DCTN1: variants seen among roughly 807,000 people sequenced by gnomAD.
DCTN1 encodes dynactin subunit 1, also known as 150 kDa dynein-associated polypeptide.
In DCTN1, 61 loss-of-function variants were observed where a neutral mutation model predicts 161.2. The observed-to-expected ratio is 0.38, with a 90% CI of 0.31 to 0.47. The LOEUF is 0.47. Among genes scored for constraint, DCTN1 ranks in the 20% least tolerant of loss-of-function variants. DCTN1 has a pLI of 0.99. For missense variants in DCTN1, 1,404 were observed against 1,623.7 expected (o/e 0.86, Z 2.33); for synonymous variants, 653 against 632.4 (o/e 1.03, Z -0.49).
rs1293714867 is a variant in DCTN1 at position 74,371,023 on chromosome 2, C to G, written c.799G>C (p.Glu267Gln). Residue 267 changes from glutamate (E) to glutamine (Q), a missense_variant, in exon 9 of 32, where the codon GAG becomes CAG. Physicochemically the swap from Glu to Gln is conservative, Grantham distance 29. Coordinates refer to ENST00000628224, the MANE Select transcript of DCTN1 (RefSeq NM_004082.5). ...CGCCGCTGCAGGTCGGCCTGCTGCT[C>G]CTGCATTTTGCTCTTCCATTCCTGC... ...QVQEWKSKMQEQQADLQRRLK... is the reference protein window; with the variant it reads ...QVQEWKSKMQQQQADLQRRLK... The G allele has an allele frequency of 1.9e-6, 3 of 1,614,090 alleles. No individual in the cohort carries two copies. Among genetic ancestry groups the G allele is most frequent in the Admixed American group, 1.7e-5 (1 of 60,014 alleles).
intron 5 of DCTN1, among the ~76,000 whole-genome samples, chr2:74,375,392 A>G (rs1248806798): frequency 2.6e-5 from 4 of 152,226 alleles, no homozygotes; most frequent in Non-Finnish European, 5.9e-5. Context: ...GCTTTGAAAA[A>G]TAACTACTGG....
In DCTN1 at chr2:74,366,628, C is replaced by A. The variant is rs779001284; in HGVS notation, c.2467-8G>T. The A allele has an allele frequency of 1.9e-6, 3 of 1,612,276 alleles. No individual in the cohort carries two copies. Among genetic ancestry groups the A allele is most frequent in the Non-Finnish European group, 2.5e-6 (3 of 1,180,024 alleles). On this transcript the variant is annotated splice_region_variant and splice_polypyrimidine_tract_variant and intron_variant, in intron 21 of 31. Coordinates refer to ENST00000628224, the MANE Select transcript of DCTN1 (RefSeq NM_004082.5). ...TAGGAGCGTGTCAGATACCTGTGTG[C>A]CAGGCCAGAGTCAGGAGTCAACCCT...
chr2:74,372,196 C>T (rs1249329504), intron 7 of DCTN1, among the ~76,000 whole-genome samples: 1 of 152,196 alleles, frequency 6.6e-6, no homozygotes, highest in Non-Finnish European at 1.5e-5. Flanking sequence ...CTAATTTCCA[C>T]AGAAGGTTGG....
chr2:74,366,995 T>C, intron 20 of DCTN1, 50 bp downstream of exon 20: 1 of 1,614,032 alleles, frequency 6.2e-7, no homozygotes, highest in Non-Finnish European at 8.5e-7. Context: ...AGTAAGGAAG[T>C]GAGGACTAAG....
rs1478351894 is a variant in DCTN1, at chr2:74,366,936, C to T, written c.2317-4G>A. The T allele has an allele frequency of 1.9e-6, 3 of 1,614,188 alleles. No individual in the cohort carries two copies. Among genetic ancestry groups the T allele is most frequent in the Non-Finnish European group, 2.5e-6 (3 of 1,180,030 alleles). Reference sequence around the variant, plus strand: ...TATCTGTAGCCTCCTGCCCACCCTACTCAGGAAAAAGAAAATGGATGGAGA... The same window carrying T: ...TATCTGTAGCCTCCTGCCCACCCTATTCAGGAAAAAGAAAATGGATGGAGA... On this transcript the variant is annotated splice_region_variant and splice_polypyrimidine_tract_variant and intron_variant, in intron 20 of 31. Coordinates refer to ENST00000628224, the MANE Select transcript of DCTN1 (RefSeq NM_004082.5).
chr2:74,368,536 C>G (rs1290557256), intron 16 of DCTN1, 192 bp downstream of exon 16: 2 of 778,230 alleles, frequency 2.6e-6, no homozygotes, highest in Non-Finnish European at 2.1e-6. Context: ...ATTGTGCTCT[C>G]TCACAGAACC....
chr2:74,361,405 G>C lies in DCTN1; in HGVS notation c.*94C>G. On this transcript the variant is annotated 3_prime_UTR_variant, in exon 32 of 32. Coordinates refer to ENST00000628224, the MANE Select transcript of DCTN1 (RefSeq NM_004082.5). ...ACGGGGCAGGAAGAGCTTAACCCAC[G>C]TTTCTACCTGGGGGCTGGCTGAGGT... The C allele has an allele frequency of 6.3e-7, 1 of 1,582,290 alleles. No individual in the cohort carries two copies. Among genetic ancestry groups the C allele is most frequent in the Non-Finnish European group, 8.6e-7 (1 of 1,159,038 alleles).
At chr2:74,361,757 C>A (rs890587184) in intron 31 of DCTN1, 121 bp from the exon 32 acceptor site, 2 of 1,300,692 alleles carry the variant, frequency 1.5e-6, no homozygotes, top group Non-Finnish European at 2.2e-6. Flanking sequence ...CTTCTGAGAT[C>A]CTGGGCTATT....
rs770854446 is a variant in DCTN1, at chr2:74,370,850, G to A, written c.844-25C>T. The A allele has an allele frequency of 5.0e-6, 8 of 1,614,066 alleles. No homozygotes were observed. The Admixed American group carries it at 8.3e-5, about 17-fold the overall frequency. On this transcript the variant is annotated intron_variant, in intron 9 of 31. Transcript: ENST00000628224. The surrounding 1 kb of genome is among the most constrained non-coding windows in gnomAD (Gnocchi z 4.4). ...CCTGAGGAAGAAGTGGAGGTGGGAG[G>A]GGGTACCAGCACAGAGATGCCCCAG...
chr2:74,368,647 T>C (rs1674601230), intron 16 of DCTN1, 81 bp downstream of exon 16: 2 of 1,596,678 alleles, frequency 1.3e-6, no homozygotes, highest in Admixed American at 3.4e-5. Context: ...GAGACTCTGT[T>C]GTCTTCACTC....
In DCTN1 at chr2:74,361,351, G is replaced by C; in HGVS notation, c.*148C>G. On this transcript the variant is annotated 3_prime_UTR_variant, in exon 32 of 32. Coordinates refer to ENST00000628224, the MANE Select transcript of DCTN1 (RefSeq NM_004082.5). ...GAACCCGGGTCAAGGTGAAGGGGCAGGACGCTGAAAGGGTGGGAGTGAAGC... is the reference window on the plus strand; with the variant it reads ...GAACCCGGGTCAAGGTGAAGGGGCACGACGCTGAAAGGGTGGGAGTGAAGC... 1 of 1,126,100 alleles carries C rather than the reference G, an allele frequency of 8.9e-7. No individual in the cohort carries two copies. The highest frequency in any genetic ancestry group is 1.3e-6 in the Non-Finnish European group (1 of 771,182). 69.8% of individuals were successfully genotyped at this position (1,126,100 alleles called of 1,614,324 possible).
chr2:74,377,226 G>A (rs1029018969), intron 4 of DCTN1, among the ~76,000 whole-genome samples: 2 of 152,124 alleles, frequency 1.3e-5, no homozygotes, highest in African/African-American at 4.8e-5. Context: ...AACTTCTGGA[G>A]CCTATGAGTT....
chr2:74,370,175 G>A lies in DCTN1; in HGVS notation c.1287+11C>T, dbSNP rs1176802167. 1.2e-6 allele frequency: 2 copies of A among 1,613,460 alleles called. No individual in the cohort carries two copies. The highest frequency in any genetic ancestry group is 1.7e-6 in the Non-Finnish European group (2 of 1,180,028). On this transcript the variant is annotated intron_variant, in intron 12 of 31. Transcript: ENST00000628224. The surrounding 1 kb of genome is among the most constrained non-coding windows in gnomAD (Gnocchi z 4.4). ...TGGGGGATTCTGGGTGAGGGGCTGG[G>A]CTCCCCAGACCTGCTCCTTGAGCTC...
chr2:74,370,404 G>C lies in DCTN1; in HGVS notation c.1128-59C>G. 2.5e-6 allele frequency: 4 copies of C among 1,613,948 alleles called. No individual in the cohort carries two copies. The highest frequency in any genetic ancestry group is 2.2e-5 in the East Asian group (1 of 44,878). On this transcript the variant is annotated intron_variant, in intron 11 of 31. Coordinates refer to ENST00000628224, the MANE Select transcript of DCTN1 (RefSeq NM_004082.5). This position sits in a 1 kb window ranked among gnomAD's most constrained non-coding sequence, Gnocchi z 4.4. ...GCACGTGTCAGAGTCTCTGGCGATG[G>C]GTGCTCTAACACATTTGGAGACACA... is the stretch of plus-strand genomic sequence containing the variant.
chr2:74,363,141 G>C lies in DCTN1; in HGVS notation c.3382C>G (p.Pro1128Ala), dbSNP rs757510484. ...QMKASLASLP[P>A]LHVAKLSHEG... The stretch of plus-strand genomic sequence containing the variant: ...TGGGATAGCTTTGCAACATGCAGAG[G>C]GGGCAGGGATGCCAAGGATGCCTTC... Residue 1128 changes from proline to alanine, a missense_variant, in exon 29 of 32, where the codon CCT (proline) becomes GCT (alanine). Physicochemically the swap from Pro to Ala is conservative, Grantham distance 27. This residue lies in a region of DCTN1 where 311 missense variants were observed against 298.9 expected (regional missense o/e 1.04). Coordinates refer to ENST00000628224, the MANE Select transcript of DCTN1 (RefSeq NM_004082.5). 3.7e-5 allele frequency: 59 copies of C among 1,614,040 alleles called. No individual in the cohort carries two copies. Among genetic ancestry groups the C allele is most frequent in the Non-Finnish European group, 4.9e-5 (58 of 1,180,016 alleles).
intron 1 of DCTN1, chr2:74,390,758 C>G: frequency 3.2e-6 from 1 of 313,958 alleles, no homozygotes; most frequent in East Asian, 7.8e-5. Context: ...CAATCAGAAT[C>G]TGTACTGTAA....
intron 26 of DCTN1, 81 bp downstream of exon 26, chr2:74,364,994 G>A (rs575310853): frequency 5.7e-6 from 9 of 1,576,660 alleles, no homozygotes; most frequent in African/African-American, 4.0e-5. Context: ...AAGGGGGGTG[G>A]GGCAGAGGTC....
At chr2:74,371,973 G>A in intron 7 of DCTN1, 1 of 525,916 alleles carries the variant, frequency 1.9e-6, no homozygotes, top group Non-Finnish European at 3.4e-6. Context: ...GGGAGGAAAA[G>A]ATAAGAGAAA....
chr2:74,370,618 T>G lies in DCTN1; in HGVS notation c.1048+3A>C, dbSNP rs1674767158. ...TGGCCCCCAGCAGCTGTGGGCCCCT[T>G]ACCCTTCTCTTCAATCTCAGCCTTG... On this transcript the variant is annotated splice_donor_region_variant and intron_variant, in intron 10 of 31. Coordinates refer to ENST00000628224, the MANE Select transcript of DCTN1 (RefSeq NM_004082.5). The surrounding 1 kb of genome is among the most constrained non-coding windows in gnomAD (Gnocchi z 4.4). 9.3e-6 allele frequency: 15 copies of G among 1,614,134 alleles called. No individual in the cohort carries two copies. Among genetic ancestry groups the G allele is most frequent in the Non-Finnish European group, 1.3e-5 (15 of 1,180,020 alleles).
Sources: gnomAD v4.1 joint callset for allele counts (sites outside exome capture counted in the v4.1 genomes callset) on GRCh38, gnomAD v4.1.1 for gene constraint, gnomAD v4.1.1 regional missense constraint, Gnocchi (gnomAD v3.1) non-coding constraint, MANE v1.5 for transcripts, NCBI Gene and HGNC (gene_info 2026-07-23, HGNC 2026-07-21) for gene names.